The following TRIM2 variants were observed in gnomAD, a reference collection of about 807,000 sequenced individuals.
TRIM2 encodes tripartite motif-containing protein 2.
In TRIM2, 20 loss-of-function variants were observed where a neutral mutation model predicts 75.2. The observed-to-expected ratio is 0.27, with a 90% confidence interval of 0.19 to 0.39. The LOEUF is 0.39. Ranked by LOEUF, TRIM2 falls within the 10% of genes least tolerant of loss-of-function variation. TRIM2 has a pLI of 1.00. For synonymous variants in TRIM2, 373 were observed against 388.3 expected (o/e 0.96, Z 0.46); for missense variants, 660 against 990.8 (o/e 0.67, Z 4.48).
In TRIM2 at chr4:153,168,123, A is replaced by AT. The variant is rs75442475; in HGVS notation, c.-49+14864dup. ...AATTTACAAAGGTGTCTGTACAAGG[A>AT]TTTTTTTTTTTGCATTTGTTTATAT... On this transcript the variant is annotated intron_variant, in intron 1 of 11. Coordinates refer to the TRIM2 transcript ENST00000437508. Among the ~76,000 whole-genome samples, 157 of 149,872 alleles carry AT rather than the reference A, an allele frequency of 1.0e-3. 3 individuals are homozygous for AT. Among genetic ancestry groups the AT allele is most frequent in the East Asian group, 6.7e-3 (34 of 5,112 alleles).
At chr4:153,152,408 G>GTATATATATATATA (rs562242204), upstream of TRIM2, 1 of 50,560 alleles carries the variant, frequency 2.0e-5, no homozygotes, top group East Asian at 6.5e-4. Flanking sequence ...ATATATGTGT[G>GTATATATATATATA]TATATATATA....
At chr4:153,244,170 TCTTCTTCTTCTCCTC>T (rs1361716128) in intron 1 of TRIM2, among the ~76,000 whole-genome samples, 2 of 144,316 alleles carry the variant, frequency 1.4e-5, no homozygotes, top group South Asian at 2.2e-4. Flanking sequence ...TTCTTCTTCT[TCTTCTTCTTCTCCTC>T]CTTCTTCTTC....
intron 1 of TRIM2, among the ~76,000 whole-genome samples, chr4:153,212,252 T>C (rs1737237474): frequency 6.6e-6 from 1 of 152,170 alleles, no homozygotes; most frequent in African/African-American, 2.4e-5. Flanking sequence ...TGGATGAACC[T>C]GGAGGCCATT....
Position 153,337,442 on chromosome 4 carries a change from G to C in TRIM2, c.*2476G>C. The C allele has an allele frequency of 1.0e-6, 1 of 985,786 alleles. No individual in the cohort carries two copies. The highest frequency in any genetic ancestry group is 1.2e-6 in the Non-Finnish European group (1 of 829,912). 61.1% of individuals were successfully genotyped at this position (985,786 alleles called of 1,614,324 possible). ...ACAAACTGGAATGAAAGAATAGTTT[G>C]ATTCAGACCTGCTCCACTATGTGTT... is the stretch of plus-strand genomic sequence containing the variant. On this transcript the variant is annotated 3_prime_UTR_variant, in exon 12 of 12. Transcript: ENST00000338700.
intron 1 of TRIM2, among the ~76,000 whole-genome samples, chr4:153,189,783 T>C (rs549005020): frequency 1.6e-3 from 248 of 152,320 alleles, no homozygotes; most frequent in African/African-American, 5.7e-3. Context: ...CAATAGCATA[T>C]GCAAATTGAA....
At chr4:153,255,432 C>T (rs72727895) in intron 1 of TRIM2, among the ~76,000 whole-genome samples, 31,474 of 151,936 alleles carry the variant, frequency 0.21, 4,006 homozygotes, top group South Asian at 0.34. Flanking sequence ...TGCTGGGGGG[C>T]GGGGTCAGCA....
chr4:153,239,897 C>T (rs1578829999), intron 1 of TRIM2, among the ~76,000 whole-genome samples: 1 of 140,794 alleles, frequency 7.1e-6, no homozygotes, highest in Non-Finnish European at 1.5e-5. Flanking sequence ...AGTGCAGTGG[C>T]GTTATCTGCA....
intron 11 of TRIM2, 97 bp from the exon 12 acceptor site, chr4:153,334,717 G>GAA (rs1404271250): frequency 8.3e-7 from 1 of 1,200,222 alleles, no homozygotes; most frequent in Non-Finnish European, 1.2e-6. Context: ...AAGAAAGAAA[G>GAA]AAACAGAAAA....
At chr4:153,200,683 C>T (rs376550514), upstream of TRIM2, among the ~76,000 whole-genome samples, 4 of 147,838 alleles carry the variant, frequency 2.7e-5, no homozygotes, top group Admixed American at 6.7e-5. Context: ...TCTCCACATC[C>T]TCCTCAACAC....
At chr4:153,260,684 A>ACC (rs1560902662) in intron 1 of TRIM2, among the ~76,000 whole-genome samples, 1 of 33,836 alleles carries the variant, frequency 3.0e-5, no homozygotes, top group East Asian at 1.8e-3. Context: ...ACCCACCCAC[A>ACC]CACCCACCCC....
At position 153,336,525 on chromosome 4, in the gene TRIM2, C is replaced by T; in HGVS notation, c.*1559C>T. The T allele has an allele frequency of 1.0e-6, 1 of 985,670 alleles. No individual in the cohort carries two copies. The highest frequency in any genetic ancestry group is 4.7e-5 in the South Asian group (1 of 21,282). 61.1% of individuals were successfully genotyped at this position (985,670 alleles called of 1,614,324 possible). A position where few individuals can be genotyped will look rare whatever the true frequency, so the allele number is the denominator to read the frequency against. The stretch of plus-strand genomic sequence containing the variant: ...TGTAAAATAAGCTGTGGTCTATTTC[C>T]ACTGTTTAATTTTCTACTCAGTTCT... On this transcript the variant is annotated 3_prime_UTR_variant, in exon 12 of 12. Transcript: ENST00000338700.
intron 3 of TRIM2, chr4:153,276,422 T>G (rs1373246737): frequency 6.3e-6 from 2 of 317,306 alleles, no homozygotes; most frequent in African/African-American, 1.1e-4. Flanking sequence ...GTGTAATAAA[T>G]TTATGGATAC....
intron 1 of TRIM2, among the ~76,000 whole-genome samples, chr4:153,188,158 A>G (rs1005215295): frequency 1.3e-5 from 2 of 152,230 alleles, no homozygotes; most frequent in Non-Finnish European, 2.9e-5. Flanking sequence ...TAAAGTGTAC[A>G]GAATACTTGT....
At position 153,338,328 on chromosome 4, in the gene TRIM2, G is replaced by A; in HGVS notation, c.*3362G>A. 1.0e-6 allele frequency: 1 copy of A among 985,736 alleles called. No homozygotes were observed. The highest frequency in any genetic ancestry group is 1.7e-5 in the African/African-American group (1 of 57,310). The allele number at this position is 985,736 out of a possible 1,614,324, so 61.1% of individuals were successfully genotyped here. ...TACTTCAAATGGGAAAAATCTTTTT[G>A]TAGACTCTATAGTACCCTCTCTATT... On this transcript the variant is annotated 3_prime_UTR_variant, in exon 12 of 12. Coordinates refer to ENST00000338700, the MANE Select transcript of TRIM2 (RefSeq NM_015271.5).
chr4:153,266,093 C>T (rs1185097258), intron 1 of TRIM2, among the ~76,000 whole-genome samples: 2 of 152,200 alleles, frequency 1.3e-5, no homozygotes, highest in Non-Finnish European at 2.9e-5. Context: ...TACCGTTTAA[C>T]TATGCAGTGA....
At chr4:153,294,938 T>A (rs907777280) in intron 5 of TRIM2, among the ~76,000 whole-genome samples, 1 of 152,212 alleles carries the variant, frequency 6.6e-6, no homozygotes, top group African/African-American at 2.4e-5. Flanking sequence ...GTTTACTTCC[T>A]GTTCCTTTAG....
chr4:153,174,399 A>G (rs1324219795), intron 1 of TRIM2, among the ~76,000 whole-genome samples: 2 of 152,078 alleles, frequency 1.3e-5, no homozygotes, highest in African/African-American at 4.8e-5. Flanking sequence ...GTGAACAGAG[A>G]GAGAAGGACA....
chr4:153,286,011 A>G (rs1341819611), intron 3 of TRIM2, among the ~76,000 whole-genome samples: 1 of 152,190 alleles, frequency 6.6e-6, no homozygotes, highest in Non-Finnish European at 1.5e-5. Flanking sequence ...AGGAGGAGGA[A>G]GTTCCCTTCT....
At chr4:153,180,568 C>G (rs570652184) in intron 1 of TRIM2, among the ~76,000 whole-genome samples, 1 of 152,378 alleles carries the variant, frequency 6.6e-6, no homozygotes, top group African/African-American at 2.4e-5. Context: ...AACTCCACCT[C>G]CCGGGTTCAA....
Sources: gnomAD v4.1 joint callset for allele counts (sites outside exome capture counted in the v4.1 genomes callset) on GRCh38, gnomAD v4.1.1 for gene constraint, MANE v1.5 for transcripts, NCBI Gene and HGNC (gene_info 2026-07-23, HGNC 2026-07-21) for gene names.